PAX8: variants seen among roughly 807,000 people sequenced by gnomAD.
PAX8 encodes paired box 8, also known as paired box protein Pax-8.
In PAX8, 15 loss-of-function variants were observed where a neutral mutation model predicts 52.4. That is an observed-to-expected ratio of 0.29 (90% CI 0.19 to 0.44). The LOEUF (loss-of-function observed/expected upper bound fraction) is 0.44. Ranked by LOEUF, PAX8 falls within the 20% of genes least tolerant of loss-of-function variation. The probability of loss-of-function intolerance (pLI) is 1.00; values close to 1 mark genes in which losing one functional copy is unlikely to be tolerated. For missense variants in PAX8, 554 were observed against 602.5 expected, an observed-to-expected ratio of 0.92 and a Z score of 0.84; for synonymous variants, 284 against 249.7, an observed-to-expected ratio of 1.14 and a Z score of -1.29.
At position 113,246,699 on chromosome 2, in the gene PAX8, G is replaced by T. The variant is rs1317248279; in HGVS notation, c.191+55C>A. On this transcript the variant is annotated intron_variant, in intron 3 of 11. Transcript: ENST00000429538. ...GAATTCTCTAGCTGCCCTGAGATCA[G>T]CTGGAGAAGTCAAGCCCTGCGGGGA... The T allele has an allele frequency of 1.3e-5, 20 of 1,581,094 alleles. No homozygotes were observed. The African/African-American group carries it at 2.6e-4, about 20-fold the overall frequency.
At chr2:113,260,253 C>A (rs187013140) in intron 2 of PAX8, among the ~76,000 whole-genome samples, 2 of 152,260 alleles carry the variant, frequency 1.3e-5, no homozygotes, top group Admixed American at 6.5e-5. Context: ...TGCACAGTCT[C>A]CTTCAATTCT....
intron 10 of PAX8, chr2:113,226,874 T>G: frequency 7.5e-7 from 1 of 1,327,766 alleles, no homozygotes; most frequent in South Asian, 1.5e-5. Flanking sequence ...AGCTTGGATT[T>G]GAACACAGAC....
intron 2 of PAX8, chr2:113,272,138 C>T (rs1431537002): frequency 4.0e-5 from 6 of 150,336 alleles, no homozygotes; most frequent in Non-Finnish European, 8.9e-5. Context: ...AGAAACAGAA[C>T]CCAAGTATCC....
intron 10 of PAX8, among the ~76,000 whole-genome samples, chr2:113,220,711 T>A (rs79996288): frequency 0.018 from 2,716 of 152,098 alleles, 101 homozygotes; most frequent in African/African-American, 0.062. Flanking sequence ...TGAGTGTGTG[T>A]GTTTGTGTGC....
At chr2:113,235,225 C>T (rs993094269) in intron 9 of PAX8, 169 bp downstream of exon 9, 6 of 248,216 alleles carry the variant, frequency 2.4e-5, no homozygotes, top group African/African-American at 2.2e-4. Context: ...GCATGTCTTC[C>T]CCGTCACAGA....
At chr2:113,258,236 C>T (rs1692407054) in intron 2 of PAX8, among the ~76,000 whole-genome samples, 1 of 152,192 alleles carries the variant, frequency 6.6e-6, no homozygotes, top group Non-Finnish European at 1.5e-5. Context: ...GCACCTAATT[C>T]CTTTATTTCC....
intron 2 of PAX8, chr2:113,259,464 G>A (rs1441965911): frequency 6.5e-6 from 1 of 152,952 alleles, no homozygotes. Context: ...CTGGCTCCTT[G>A]AGGGGAGGTG....
intron 2 of PAX8, among the ~76,000 whole-genome samples, chr2:113,251,913 CA>C (rs1691798716): frequency 6.6e-6 from 1 of 152,174 alleles, no homozygotes; most frequent in Non-Finnish European, 1.5e-5. Flanking sequence ...TACTCAAAGG[CA>C]GGGGCCCTGT....
chr2:113,229,992 C>T (rs1689793958), intron 9 of PAX8, among the ~76,000 whole-genome samples: 1 of 152,354 alleles, frequency 6.6e-6, no homozygotes, highest in East Asian at 1.9e-4. Flanking sequence ...GGATGAAAGA[C>T]AGCCACTTAA....
chr2:113,269,255 G>T (rs748490045), intron 2 of PAX8: 2 of 152,290 alleles, frequency 1.3e-5, no homozygotes, highest in Non-Finnish European at 2.9e-5. Context: ...TGGAGCCCCA[G>T]TGTAGACCGT....
At chr2:113,262,766 G>T (rs995200583) in intron 2 of PAX8, among the ~76,000 whole-genome samples, 1 of 152,150 alleles carries the variant, frequency 6.6e-6, no homozygotes, top group African/African-American at 2.4e-5. Flanking sequence ...ACAAGCCAAG[G>T]AATGCCAAAG....
At chr2:113,263,607 T>C (rs996806207) in intron 2 of PAX8, among the ~76,000 whole-genome samples, 5 of 152,228 alleles carry the variant, frequency 3.3e-5, no homozygotes, top group African/African-American at 1.2e-4. Context: ...TCAAATGGCA[T>C]GTGCACAGCC....
intron 7 of PAX8, 146 bp downstream of exon 7, chr2:113,241,405 T>C (rs1308230306): frequency 3.9e-6 from 3 of 773,360 alleles, no homozygotes; most frequent in Non-Finnish European, 2.2e-6. Context: ...ATAAAGCATG[T>C]GTCAGGCTTG....
At position 113,235,569 on chromosome 2, in the gene PAX8, G is replaced by A. The variant is rs566671579; in HGVS notation, c.912C>T (p.Pro304=). The A allele has an allele frequency of 1.9e-6, 3 of 1,611,346 alleles. No homozygotes were observed. The African/African-American group carries it at 4.0e-5, about 21-fold the overall frequency. Residue 304 remains proline (P), a synonymous_variant, in exon 9 of 12, where the codon CCC becomes CCT. Transcript: ENST00000429538. Reference sequence around the variant, plus strand: ...CGGGGGTTTCCTGCTTTATGGCGAAGGGTGAGTGAGGATCTGCCGGAGGGA... The same window carrying A: ...CGGGGGTTTCCTGCTTTATGGCGAAAGGTGAGTGAGGATCTGCCGGAGGGA... ...TYPVVADPHS[P]FAIKQETPEV...
intron 2 of PAX8, among the ~76,000 whole-genome samples, chr2:113,254,949 A>G (rs1255273631): frequency 6.6e-6 from 1 of 152,062 alleles, no homozygotes; most frequent in African/African-American, 2.4e-5. Flanking sequence ...CTTTCTTTTA[A>G]ATAAGCCAGG....
Position 113,242,115 on chromosome 2 carries a change from A to T in PAX8, c.494T>A (p.Val165Glu). 6.2e-7 allele frequency: 1 copy of T among 1,613,370 alleles called. No individual in the cohort carries two copies. ...CGACTGGGGTGACTCCGGGGGAGTT[A>T]CAGCTGAGCTGGGGACTGCAGTGGG... ...PGHTLIPSSAVTPPESPQSDS... is the reference protein window; with the variant it reads ...PGHTLIPSSAETPPESPQSDS... Residue 165 changes from valine (V) to glutamate (E), a missense_variant, in exon 6 of 12, where the codon GTA (valine) becomes GAA (glutamate). Val to Glu is a moderately radical substitution (Grantham distance 121). This residue lies in a region of PAX8 where 445 missense variants were observed against 409.9 expected (regional missense o/e 1.09). Transcript: ENST00000429538.
At chr2:113,246,475 TA>T (rs1427351466) in intron 3 of PAX8, among the ~76,000 whole-genome samples, 18 of 152,116 alleles carry the variant, frequency 1.2e-4, no homozygotes, top group Non-Finnish European at 5.9e-5. Flanking sequence ...GAGAAGCCTA[TA>T]GCTAATGAGA....
At chr2:113,248,859 G>A (rs546221860) in intron 2 of PAX8, among the ~76,000 whole-genome samples, 11 of 152,112 alleles carry the variant, frequency 7.2e-5, no homozygotes, top group Middle Eastern at 3.4e-3. Flanking sequence ...CCAGCTACTC[G>A]GGAGGCTGAG....
intron 9 of PAX8, among the ~76,000 whole-genome samples, chr2:113,232,012 G>A (rs902186880): frequency 6.6e-6 from 1 of 152,220 alleles, no homozygotes; most frequent in Non-Finnish European, 1.5e-5. Context: ...ACAGGTGTGA[G>A]CCATTGGGCC....
Sources: allele counts gnomAD v4.1 joint callset (sites outside exome capture counted in the v4.1 genomes callset), GRCh38; gene constraint gnomAD v4.1.1; regional missense constraint gnomAD v4.1.1; transcripts MANE v1.5; gene names NCBI Gene and HGNC (gene_info 2026-07-23, HGNC 2026-07-21).